COL22A1: variants seen among roughly 807,000 people sequenced by gnomAD.
COL22A1 encodes the protein collagen alpha-1(XXII) chain.
COL22A1 carries 221 observed loss-of-function variants against 248.9 expected under a neutral mutation model. That is an observed-to-expected ratio of 0.89 (90% CI 0.80 to 0.99). The LOEUF is 0.99. Among genes scored for constraint, COL22A1 ranks in the 50% least tolerant of loss-of-function variants. The probability of loss-of-function intolerance (pLI) is 0.00; values close to 1 mark genes in which losing one functional copy is unlikely to be tolerated. For synonymous variants in COL22A1, 891 were observed against 793.4 expected (o/e 1.12, Z -2.07); for missense variants, 2,240 against 2,179.0 (o/e 1.03, Z -0.56).
intron 1 of COL22A1, among the ~76,000 whole-genome samples, chr8:138,893,803 C>A (rs559221553): frequency 1.7e-4 from 26 of 152,192 alleles, no homozygotes; most frequent in Non-Finnish European, 3.4e-4. Flanking sequence ...AAGGAGCTTG[C>A]AGCCTAATGG....
At chr8:138,793,177 C>T (rs1816215500) in intron 12 of COL22A1, among the ~76,000 whole-genome samples, 1 of 152,226 alleles carries the variant, frequency 6.6e-6, no homozygotes, top group African/African-American at 2.4e-5. Flanking sequence ...TACCCTCAAA[C>T]TCAATCCAAC....
intron 12 of COL22A1, among the ~76,000 whole-genome samples, chr8:138,788,943 G>A (rs538850851): frequency 4.6e-5 from 7 of 152,200 alleles, no homozygotes; most frequent in Admixed American, 1.3e-4. Flanking sequence ...CTGTTACACA[G>A]CTGCTAAGTG....
At chr8:138,770,500 G>A (rs900757515) in intron 16 of COL22A1, among the ~76,000 whole-genome samples, 2 of 152,238 alleles carry the variant, frequency 1.3e-5, no homozygotes. Context: ...CCTGCCCTGG[G>A]GCTGTTAGAG....
rs201164270 is a variant in COL22A1 at position 138,690,848 on chromosome 8, G to A, written c.2781C>T (p.Pro927=). Residue 927 remains proline (P), a synonymous_variant, in exon 36 of 65, where the codon CCC becomes CCT. Coordinates refer to ENST00000303045, the MANE Select transcript of COL22A1 (RefSeq NM_152888.3). The stretch of plus-strand genomic sequence containing the variant: ...CACTTCCTGGAGGGCCACTGGGACC[G>A]GGGGCACCGACATGTCCGGGAGCAC... ...NPGAPGHVGA[P]GPSGPPGSVG... 91 of 1,606,342 alleles carry A rather than the reference G, an allele frequency of 5.7e-5. 1 individual carries two copies. The highest frequency in any genetic ancestry group is 1.7e-4 in the Middle Eastern group (1 of 6,046).
chr8:138,754,081 G>GA (rs1794110188), intron 21 of COL22A1, among the ~76,000 whole-genome samples: 1 of 152,142 alleles, frequency 6.6e-6, no homozygotes, highest in African/African-American at 2.4e-5. Flanking sequence ...GGTAAAAGAT[G>GA]AAAAATAACA....
chr8:138,670,080 T>C (rs1332814071), intron 41 of COL22A1, among the ~76,000 whole-genome samples: 1 of 152,108 alleles, frequency 6.6e-6, no homozygotes. Context: ...AGAGATGTGG[T>C]TTCACCATGT....
At chr8:138,703,231 G>T in intron 31 of COL22A1, 75 bp downstream of exon 31, 1 of 1,281,462 alleles carries the variant, frequency 7.8e-7, no homozygotes, top group Non-Finnish European at 1.1e-6. Flanking sequence ...CTAAGTAGTG[G>T]CAGTTGCTGG....
At chr8:138,721,464 A>T (rs1178651643) in intron 26 of COL22A1, among the ~76,000 whole-genome samples, 1 of 152,236 alleles carries the variant, frequency 6.6e-6, no homozygotes, top group East Asian at 1.9e-4. Context: ...TTTGACTCTT[A>T]CCTTAATAAT....
chr8:138,664,207 GCGCACACACACACACA>G (rs1212662903), intron 41 of COL22A1, among the ~76,000 whole-genome samples: 12 of 87,560 alleles, frequency 1.4e-4, no homozygotes, highest in African/African-American at 4.1e-4. Context: ...GCGCGCGCGC[GCGCACACACACACACA>G]CACACACACA....
intron 3 of COL22A1, among the ~76,000 whole-genome samples, chr8:138,848,554 C>T (rs548769433): frequency 3.3e-5 from 5 of 152,294 alleles, no homozygotes; most frequent in East Asian, 1.9e-4. Flanking sequence ...TCTATGTTGA[C>T]GCAACCATGG....
intron 50 of COL22A1, among the ~76,000 whole-genome samples, chr8:138,627,706 G>C (rs562617854): frequency 1.3e-5 from 2 of 152,234 alleles, no homozygotes; most frequent in African/African-American, 4.8e-5. Flanking sequence ...ACCCAGGCCT[G>C]GTCACAACAC....
At chr8:138,776,837 C>A (rs1216216461) in intron 15 of COL22A1, among the ~76,000 whole-genome samples, 2 of 152,300 alleles carry the variant, frequency 1.3e-5, no homozygotes, top group Middle Eastern at 3.4e-3. Context: ...ACTAACTGAC[C>A]CAGTGAGTGA....
chr8:138,770,987 T>C (rs1301246734), intron 16 of COL22A1, among the ~76,000 whole-genome samples: 1 of 152,232 alleles, frequency 6.6e-6, no homozygotes, highest in Non-Finnish European at 1.5e-5. Flanking sequence ...CATATCCTTA[T>C]GAAGTAGATA....
chr8:138,607,709 T>C, intron 57 of COL22A1, among the ~76,000 whole-genome samples: 1 of 152,196 alleles, frequency 6.6e-6, no homozygotes, highest in East Asian at 1.9e-4. Context: ...ATGTAGACCA[T>C]AGATGCCTAC....
At chr8:138,741,909 T>C (rs1831595778) in intron 22 of COL22A1, among the ~76,000 whole-genome samples, 1 of 152,280 alleles carries the variant, frequency 6.6e-6, no homozygotes, top group East Asian at 1.9e-4. Context: ...ATGGTAGTGA[T>C]GGAGTTGATG....
At chr8:138,888,560 T>C (rs929767506) in intron 1 of COL22A1, among the ~76,000 whole-genome samples, 12 of 152,156 alleles carry the variant, frequency 7.9e-5, no homozygotes, top group African/African-American at 2.4e-5. Context: ...CAGGGCAAAG[T>C]GCACTCAGGT....
rs763053655 is a variant in COL22A1, at chr8:138,609,901, TCCCTCG to T, written c.3979-1918_3979-1913del. Among the ~76,000 whole-genome samples the T allele has an allele frequency of 3.3e-4, 50 of 152,280 alleles. 1 individual carries two copies. Among genetic ancestry groups the T allele is most frequent in the Non-Finnish European group, 6.5e-4 (44 of 68,022 alleles). On this transcript the variant is annotated intron_variant, in intron 56 of 64. Coordinates refer to ENST00000303045, the MANE Select transcript of COL22A1 (RefSeq NM_152888.3). Reference sequence around the variant, plus strand: ...GCAGAGCCACTCCTGTGTCCTGCTGTCCCTCGCCAAGCCCCTTGGATCTCTGCTTCC... The same window carrying T: ...GCAGAGCCACTCCTGTGTCCTGCTGTCCAAGCCCCTTGGATCTCTGCTTCC...
Position 138,752,216 on chromosome 8 carries a change from C to T in COL22A1, c.2032-705G>A, listed in dbSNP as rs141965037. Among the ~76,000 whole-genome samples, 202 of 152,322 alleles carry T rather than the reference C, an allele frequency of 1.3e-3. 1 individual carries two copies. The highest frequency in any genetic ancestry group is 4.5e-3 in the African/African-American group (186 of 41,572). On this transcript the variant is annotated intron_variant, in intron 21 of 64. Coordinates refer to ENST00000303045, the MANE Select transcript of COL22A1 (RefSeq NM_152888.3). ...CCTGACAGAACCCTGATTTATACCA[C>T]AGAATGAGGCATATCATGTGAGTGG...
At chr8:138,601,171 C>CG (rs1406634963) in intron 60 of COL22A1, among the ~76,000 whole-genome samples, 3 of 151,780 alleles carry the variant, frequency 2.0e-5, no homozygotes, top group African/African-American at 2.4e-5. Flanking sequence ...GTCGCATTCT[C>CG]GGGGGGGAAC....
Sources: allele counts gnomAD v4.1 joint callset (sites outside exome capture counted in the v4.1 genomes callset), GRCh38; gene constraint gnomAD v4.1.1; transcripts MANE v1.5; gene names NCBI Gene and HGNC (gene_info 2026-07-23, HGNC 2026-07-21).